The following UBR2 variants were observed in gnomAD, a reference collection of about 807,000 sequenced individuals.
The protein encoded by UBR2 is E3 ubiquitin-protein ligase UBR2.
UBR2 carries 92 observed loss-of-function variants against 247.9 expected under a neutral mutation model. The ratio of observed to expected loss-of-function variants is 0.37; its 90% CI spans 0.31 to 0.44. The LOEUF (loss-of-function observed/expected upper bound fraction) is 0.44. Among genes scored for constraint, UBR2 ranks in the 20% least tolerant of loss-of-function variants. UBR2 has a pLI of 1.00. For synonymous variants in UBR2, 672 were observed against 693.5 expected, an observed-to-expected ratio of 0.97 and a Z score of 0.49; for missense variants, 1,613 against 2,112.6, an observed-to-expected ratio of 0.76 and a Z score of 4.64.
chr6:42,678,815 A>C, intron 41 of UBR2, 146 bp downstream of exon 41: 1 of 898,632 alleles, frequency 1.1e-6, no homozygotes. Context: ...TATAGCATAA[A>C]ATGTATGTTT....
At chr6:42,679,696 G>T in intron 41 of UBR2, 28 bp from the exon 42 acceptor site, 1 of 1,504,644 alleles carries the variant, frequency 6.6e-7, no homozygotes. Context: ...GTTGTTATAT[G>T]CACTCTTTTC....
Position 42,665,499 on chromosome 6 carries a change from A to G in UBR2, c.3789A>G (p.Glu1263=). ...AAGCATTACAGTTTCTTAGGAAAGA[A>G]GAAAGTACTCCTAGTAAGTTCTGGT... The part of the protein sequence containing the change: ...QIKALQFLRK[E]ESTPNNASTK... Residue 1263 remains glutamate (E), a synonymous_variant, in exon 33 of 47, where the codon GAA becomes GAG. Transcript: ENST00000372901. 1.2e-6 allele frequency: 2 copies of G among 1,610,438 alleles called. No homozygotes were observed.
chr6:42,650,649 G>A (rs1430855141), intron 23 of UBR2, among the ~76,000 whole-genome samples: 1 of 151,996 alleles, frequency 6.6e-6, no homozygotes, highest in African/African-American at 2.4e-5. Context: ...ATTGAAAAAT[G>A]ATACATTTTT....
At position 42,689,998 on chromosome 6, in the gene UBR2, T is replaced by G. The variant is rs1458137003; in HGVS notation, c.5126+328T>G. On this transcript the variant is annotated intron_variant, in intron 46 of 46. Transcript: ENST00000372901. The surrounding 1 kb of genome is among the most constrained non-coding windows in gnomAD (Gnocchi z 4.0). ...TGGCCCACTCTGACTTGTATGGCCT[T>G]GTATAGAGGAAGCCCAGTGTTTGAG... Among the ~76,000 whole-genome samples the G allele has an allele frequency of 1.3e-5, 2 of 152,194 alleles. No individual in the cohort carries two copies. The highest frequency in any genetic ancestry group is 2.9e-5 in the Non-Finnish European group (2 of 68,036).
At chr6:42,606,467 G>A (rs1793705194) in intron 6 of UBR2, 122 bp from the exon 7 acceptor site, 15 of 820,562 alleles carry the variant, frequency 1.8e-5, no homozygotes, top group Admixed American at 2.7e-5. Context: ...AGTAGGATGA[G>A]CATTGTAAAT....
intron 6 of UBR2, 120 bp from the exon 7 acceptor site, chr6:42,606,469 A>G (rs957190109): frequency 6.0e-6 from 5 of 833,792 alleles, no homozygotes; most frequent in Non-Finnish European, 9.4e-6. Context: ...TAGGATGAGC[A>G]TTGTAAATAT....
Position 42,652,554 on chromosome 6 carries a change from A to G in UBR2, c.2678A>G (p.Gln893Arg). ...PLFASLVNIL[Q>R]SDVMLCIMGT... ...TTTGCAAGCCTGGTTAACATTTTGCAGTCAGATGTCATGTTGTGCATCATG... is the reference window on the plus strand; with the variant it reads ...TTTGCAAGCCTGGTTAACATTTTGCGGTCAGATGTCATGTTGTGCATCATG... The change falls in exon 25 of 47, where the codon CAG becomes CGG. Residue 893 changes from glutamine (Q) to arginine (R), a missense_variant. This residue lies in a region of UBR2 where 1,524 missense variants were observed against 1,967.3 expected (regional missense o/e 0.77). Coordinates refer to ENST00000372901, the MANE Select transcript of UBR2 (RefSeq NM_001363705.2). The G allele has an allele frequency of 1.2e-6, 2 of 1,613,654 alleles. No individual in the cohort carries two copies. Among genetic ancestry groups the G allele is most frequent in the Non-Finnish European group, 1.7e-6 (2 of 1,179,952 alleles).
chr6:42,673,655 A>G (rs749508567), intron 36 of UBR2, 136 bp from the exon 37 acceptor site: 3 of 606,738 alleles, frequency 4.9e-6, no homozygotes, highest in Non-Finnish European at 5.9e-6. Flanking sequence ...GAGGCATGTC[A>G]TTGAGATGTC....
chr6:42,686,110 T>C (rs1799374001), intron 44 of UBR2, among the ~76,000 whole-genome samples: 1 of 152,064 alleles, frequency 6.6e-6, no homozygotes, highest in South Asian at 2.1e-4. Flanking sequence ...TTGATCATTC[T>C]TGGGTGTTTC....
intron 46 of UBR2, among the ~76,000 whole-genome samples, chr6:42,690,453 G>T (rs905548595): frequency 1.2e-4 from 19 of 152,324 alleles, no homozygotes; most frequent in Admixed American, 1.1e-3. Context: ...GAGCAGAGGT[G>T]CCTGGCTCAG....
At position 42,645,406 on chromosome 6, in the gene UBR2, A is replaced by G. The variant is rs1582632156; in HGVS notation, c.2285-60A>G. Reference sequence around the variant, plus strand: ...CATGCTGCATGAATTATAAGTATATATCACGAAAGTATTGTGATTATGTTA... The same window carrying G: ...CATGCTGCATGAATTATAAGTATATGTCACGAAAGTATTGTGATTATGTTA... On this transcript the variant is annotated intron_variant, in intron 20 of 46. Transcript: ENST00000372901. The G allele has an allele frequency of 5.4e-6, 8 of 1,472,102 alleles. No individual in the cohort carries two copies. In the East Asian group the frequency reaches 6.8e-5, roughly 13 times the overall value. 91.2% of individuals were successfully genotyped at this position (1,472,102 alleles called of 1,614,324 possible).
chr6:42,664,545 C>CT (rs1438639668), intron 32 of UBR2, among the ~76,000 whole-genome samples: 1 of 152,134 alleles, frequency 6.6e-6, no homozygotes, highest in Non-Finnish European at 1.5e-5. Flanking sequence ...TCAGTTTTTT[C>CT]TTGTCAGTTT....
Position 42,592,151 on chromosome 6 carries a change from A to T in UBR2, c.339A>T (p.Arg113Ser), listed in dbSNP as rs1351673199. Residue 113 changes from arginine to serine, a missense_variant and splice_region_variant, in exon 3 of 47, where the codon AGA (arginine) becomes AGT (serine). Transcript: ENST00000372901. The stretch of plus-strand genomic sequence containing the variant: ...TGATTTTTTTTTTTTAACTTTACAG[A>T]GACTGTGCAGTTGATCCAACTTGTG... ...FKVGEPTYSC[R>S]DCAVDPTCVL... 6.2e-7 allele frequency: 1 copy of T among 1,600,748 alleles called. No homozygotes were observed.
chr6:42,676,657 A>T, intron 39 of UBR2, 126 bp from the exon 40 acceptor site: 1 of 750,554 alleles, frequency 1.3e-6, no homozygotes, highest in Non-Finnish European at 2.2e-6. Flanking sequence ...ACAATTTTGC[A>T]TGTTTTCTAG....
intron 15 of UBR2, 51 bp downstream of exon 15, chr6:42,637,245 G>A (rs758136855): frequency 1.8e-4 from 280 of 1,562,010 alleles, no homozygotes; most frequent in Non-Finnish European, 2.3e-4. Context: ...TTAAATTGTT[G>A]TTTGTGGTTA....
At chr6:42,614,205 A>G (rs9471884) in intron 8 of UBR2, among the ~76,000 whole-genome samples, 1 of 26,614 alleles carries the variant, frequency 3.8e-5, no homozygotes, top group Non-Finnish European at 6.7e-5. Flanking sequence ...AAAAAAAAAA[A>G]CTATATATAT....
intron 42 of UBR2, among the ~76,000 whole-genome samples, chr6:42,681,155 T>C (rs1582724504): frequency 4.8e-5 from 5 of 104,448 alleles, no homozygotes; most frequent in South Asian, 3.1e-4. Context: ...AAAGCGAGAC[T>C]CCGTCTCAAA....
chr6:42,681,575 T>C lies in UBR2; in HGVS notation c.4719-1480T>C, dbSNP rs116689592. Among the ~76,000 whole-genome samples, 606 of 123,678 alleles carry C rather than the reference T, an allele frequency of 4.9e-3. 1 individual carries two copies. Among genetic ancestry groups the C allele is most frequent in the African/African-American group, 0.018 (564 of 31,736 alleles). 81.1% of individuals were successfully genotyped at this position (123,678 alleles called of 152,430 possible). ...TCACACCCATTAGGTGAGCTATTACTTTTTTAAAAAAAGAAAATTACAAAT... is the reference window on the plus strand; with the variant it reads ...TCACACCCATTAGGTGAGCTATTACCTTTTTAAAAAAAGAAAATTACAAAT... On this transcript the variant is annotated intron_variant, in intron 42 of 46. Transcript: ENST00000372901.
chr6:42,667,796 G>A (rs1431198470), intron 34 of UBR2, among the ~76,000 whole-genome samples: 5 of 130,782 alleles, frequency 3.8e-5, no homozygotes, highest in Non-Finnish European at 7.8e-5. Context: ...GTCTCACTCT[G>A]TCACCCAGGC....
Sources: allele counts gnomAD v4.1 joint callset (sites outside exome capture counted in the v4.1 genomes callset), GRCh38; gene constraint gnomAD v4.1.1; regional missense constraint gnomAD v4.1.1; non-coding constraint Gnocchi (gnomAD v3.1); transcripts MANE v1.5; gene names NCBI Gene and HGNC (gene_info 2026-07-23, HGNC 2026-07-21).